The following FOXP1 variants were observed in gnomAD, a reference collection of about 807,000 sequenced individuals.
The protein encoded by FOXP1 is forkhead box protein P1.
Under a neutral mutation model 98.2 loss-of-function variants are expected in FOXP1, and 15 were observed. That is an observed-to-expected ratio of 0.15 (90% CI 0.10 to 0.24). The LOEUF (loss-of-function observed/expected upper bound fraction) is 0.24, where lower values mean the gene tolerates loss of function less well. Among genes scored for constraint, FOXP1 ranks in the 10% least tolerant of loss-of-function variants. FOXP1 has a pLI of 1.00. For missense variants in FOXP1, 633 were observed against 848.5 expected (o/e 0.75, Z 3.15); for synonymous variants, 371 against 314.5 (o/e 1.18, Z -1.90).
At chr3:71,256,542 C>A (rs2068641720) in intron 5 of FOXP1, among the ~76,000 whole-genome samples, 2 of 152,164 alleles carry the variant, frequency 1.3e-5, no homozygotes, top group African/African-American at 4.8e-5. Context: ...CACTATCACA[C>A]CCAGCTAATT....
At chr3:71,198,430 G>C in intron 5 of FOXP1, 38 bp from the exon 6 acceptor site, 2 of 583,788 alleles carry the variant, frequency 3.4e-6, no homozygotes, top group South Asian at 2.8e-5. Flanking sequence ...GAGGGAGGGG[G>C]GGAGAAAAAA....
At chr3:71,554,925 G>C (rs1276934235) in intron 2 of FOXP1, among the ~76,000 whole-genome samples, 1 of 152,120 alleles carries the variant, frequency 6.6e-6, no homozygotes, top group Non-Finnish European at 1.5e-5. Context: ...AGAGTAGATA[G>C]TAAATGTCAA....
chr3:71,480,155 C>T (rs539560186), intron 3 of FOXP1, among the ~76,000 whole-genome samples: 1 of 152,332 alleles, frequency 6.6e-6, no homozygotes, highest in Admixed American at 6.5e-5. Flanking sequence ...CGCCACTGCA[C>T]TCTAGCCTGG....
intron 5 of FOXP1, among the ~76,000 whole-genome samples, chr3:71,275,497 T>G (rs2107339621): frequency 6.6e-6 from 1 of 152,170 alleles, no homozygotes; most frequent in East Asian, 1.9e-4. Flanking sequence ...CATTCCCACC[T>G]CATGCACCCT....
intron 14 of FOXP1, among the ~76,000 whole-genome samples, chr3:70,981,209 AAAAAAAAAAG>A (rs2038790667): frequency 6.6e-6 from 1 of 151,264 alleles, no homozygotes; most frequent in African/African-American, 2.4e-5. Flanking sequence ...AAAAAAAAAA[AAAAAAAAAAG>A]CAACAGCGAA....
At chr3:70,993,071 C>G (rs1402571320) in intron 13 of FOXP1, among the ~76,000 whole-genome samples, 1 of 152,154 alleles carries the variant, frequency 6.6e-6, no homozygotes, top group Non-Finnish European at 1.5e-5. Flanking sequence ...GTCTAGGAGG[C>G]TGGTGTGATT....
intron 7 of FOXP1, among the ~76,000 whole-genome samples, chr3:71,105,694 A>G (rs992453249): frequency 2.6e-5 from 4 of 152,148 alleles, no homozygotes; most frequent in Non-Finnish European, 4.4e-5. Context: ...AGCACTTCAG[A>G]CTTGAAAATA....
intron 6 of FOXP1, among the ~76,000 whole-genome samples, chr3:71,180,717 A>G (rs898446768): frequency 6.6e-6 from 1 of 152,148 alleles, no homozygotes; most frequent in African/African-American, 2.4e-5. Context: ...GCTTACATAT[A>G]CAAACATTTT....
chr3:71,233,131 T>A (rs1227782117), intron 5 of FOXP1, among the ~76,000 whole-genome samples: 5 of 147,094 alleles, frequency 3.4e-5, no homozygotes, highest in Admixed American at 2.1e-4. Context: ...GGCAACAGAG[T>A]GAGACCCTAT....
chr3:71,172,400 G>A (rs1307629036), intron 6 of FOXP1, among the ~76,000 whole-genome samples: 1 of 152,180 alleles, frequency 6.6e-6, no homozygotes, highest in Non-Finnish European at 1.5e-5. Flanking sequence ...CAAAATATGT[G>A]AGAGTCTCAA....
intron 6 of FOXP1, among the ~76,000 whole-genome samples, chr3:71,139,080 C>G (rs985723313): frequency 1.3e-5 from 2 of 152,138 alleles, no homozygotes; most frequent in African/African-American, 4.8e-5. Flanking sequence ...ATTTGTTTCA[C>G]ATCTACAGGA....
At chr3:71,513,452 C>CG (rs1388351029) in intron 2 of FOXP1, among the ~76,000 whole-genome samples, 1 of 152,162 alleles carries the variant, frequency 6.6e-6, no homozygotes, top group Non-Finnish European at 1.5e-5. Flanking sequence ...CTACCAACTT[C>CG]CTGGTCACAG....
At chr3:71,069,266 A>G (rs2052929797) in intron 7 of FOXP1, among the ~76,000 whole-genome samples, 1 of 152,232 alleles carries the variant, frequency 6.6e-6, no homozygotes. Flanking sequence ...TTGTATATAC[A>G]CAGTGTGACA....
chr3:71,549,226 A>C (rs893854124), intron 2 of FOXP1, among the ~76,000 whole-genome samples: 12 of 152,174 alleles, frequency 7.9e-5, no homozygotes, highest in African/African-American at 2.9e-4. Flanking sequence ...GAACTAACAC[A>C]ACCGAAAGAA....
intron 5 of FOXP1, among the ~76,000 whole-genome samples, chr3:71,233,740 G>A (rs533865530): frequency 2.3e-4 from 35 of 152,070 alleles, no homozygotes; most frequent in African/African-American, 8.4e-4. Context: ...GATTCCTGGG[G>A]ACCCCAAGAA....
intron 17 of FOXP1, among the ~76,000 whole-genome samples, chr3:70,975,152 A>C (rs774922273): frequency 1.3e-4 from 20 of 152,248 alleles, no homozygotes; most frequent in African/African-American, 4.8e-4. Flanking sequence ...GAAAAAGTGC[A>C]ATCTGAAGAT....
intron 3 of FOXP1, among the ~76,000 whole-genome samples, chr3:71,427,507 T>G (rs1483134152): frequency 6.6e-6 from 1 of 152,192 alleles, no homozygotes; most frequent in South Asian, 2.1e-4. Flanking sequence ...CTAGGGAGCC[T>G]GGGCTCTCTT....
At position 70,992,599 on chromosome 3, in the gene FOXP1, G is replaced by A. The variant is rs190701722; in HGVS notation, c.1063-4522C>T. On this transcript the variant is annotated intron_variant, in intron 13 of 20. Transcript: ENST00000649528. ...ACACCAACTACCGCATTCAGGTGGT[G>A]GGCAATATATGGCTCATTGCACCCC... 4.6e-5 allele frequency among the ~76,000 whole-genome samples: 7 copies of A among 152,126 alleles called. No homozygotes were observed. In the East Asian group the frequency reaches 1.4e-3, roughly 29 times the overall value.
At chr3:71,355,359 G>T (rs1305672434) in intron 4 of FOXP1, among the ~76,000 whole-genome samples, 4 of 152,170 alleles carry the variant, frequency 2.6e-5, no homozygotes, top group Admixed American at 2.6e-4. Flanking sequence ...TTCATGAAGG[G>T]ACAGGGCTGT....
Sources: gnomAD v4.1 joint callset for allele counts (sites outside exome capture counted in the v4.1 genomes callset) on GRCh38, gnomAD v4.1.1 for gene constraint, MANE v1.5 for transcripts, NCBI Gene and HGNC (gene_info 2026-07-23, HGNC 2026-07-21) for gene names.